Variants in SRPK2 observed in about 807,000 individuals in gnomAD.
SRPK2 encodes SFRS protein kinase 2.
SRPK2 carries 21 observed loss-of-function variants against 90.8 expected under a neutral mutation model. The ratio of observed to expected loss-of-function variants is 0.23; its 90% CI spans 0.16 to 0.33. The LOEUF (loss-of-function observed/expected upper bound fraction) is 0.33, where lower values mean the gene tolerates loss of function less well. Ranked by LOEUF, SRPK2 falls within the 10% of genes least tolerant of loss-of-function variation. The pLI is 1.00. For synonymous variants in SRPK2, 288 were observed against 311.1 expected (o/e 0.93, Z 0.78); for missense variants, 620 against 869.0 (o/e 0.71, Z 3.60).
intron 2 of SRPK2, among the ~76,000 whole-genome samples, chr7:105,237,436 A>G (rs920556053): frequency 1.3e-5 from 2 of 152,232 alleles, no homozygotes; most frequent in Non-Finnish European, 2.9e-5. Context: ...AAGAATGTGC[A>G]GATATTCTAG....
At chr7:105,209,860 T>C (rs1445887591) in intron 2 of SRPK2, among the ~76,000 whole-genome samples, 1 of 152,206 alleles carries the variant, frequency 6.6e-6, no homozygotes, top group Non-Finnish European at 1.5e-5. Flanking sequence ...TATTTATTTT[T>C]ACACTACAAA....
chr7:105,239,662 T>C (rs1351217488), intron 2 of SRPK2, among the ~76,000 whole-genome samples: 1 of 152,232 alleles, frequency 6.6e-6, no homozygotes, highest in Non-Finnish European at 1.5e-5. Context: ...TAACAAAATC[T>C]GGTTAGACGG....
intron 2 of SRPK2, among the ~76,000 whole-genome samples, chr7:105,248,925 C>CAAA (rs374019072): frequency 1.8e-5 from 2 of 111,288 alleles, no homozygotes; most frequent in East Asian, 2.5e-4. Context: ...AGCTCCATCT[C>CAAA]AAAAAAAAAA....
intron 2 of SRPK2, among the ~76,000 whole-genome samples, chr7:105,303,011 T>C (rs1366642733): frequency 1.3e-5 from 2 of 151,892 alleles, no homozygotes; most frequent in Non-Finnish European, 2.9e-5. Flanking sequence ...GAGGCGGAGC[T>C]TGCAGCAAGC....
At chr7:105,325,059 TC>T (rs1813404253) in intron 2 of SRPK2, among the ~76,000 whole-genome samples, 1 of 152,112 alleles carries the variant, frequency 6.6e-6, no homozygotes, top group Non-Finnish European at 1.5e-5. Context: ...CTTTTATAAA[TC>T]CCAACTGTAT....
intron 2 of SRPK2, among the ~76,000 whole-genome samples, chr7:105,316,426 C>T (rs1467851751): frequency 6.6e-6 from 1 of 152,196 alleles, no homozygotes; most frequent in Non-Finnish European, 1.5e-5. Context: ...TACTCACTTA[C>T]ACTACTTTAC....
intron 15 of SRPK2, among the ~76,000 whole-genome samples, chr7:105,123,396 A>G (rs1037727555): frequency 1.3e-5 from 2 of 152,222 alleles, no homozygotes; most frequent in African/African-American, 4.8e-5. Context: ...CCTCTGACCC[A>G]GAGGAGAAAG....
intron 2 of SRPK2, among the ~76,000 whole-genome samples, chr7:105,369,596 C>T (rs1208901120): frequency 6.6e-6 from 1 of 152,150 alleles, no homozygotes; most frequent in Non-Finnish European, 1.5e-5. Context: ...AAGATGTAGT[C>T]AATTTTACAT....
chr7:105,369,186 G>A (rs1362369765), intron 2 of SRPK2, among the ~76,000 whole-genome samples: 1 of 151,118 alleles, frequency 6.6e-6, no homozygotes, highest in Non-Finnish European at 1.5e-5. Flanking sequence ...TCACTCTGTT[G>A]CCCAGGCTGC....
intron 7 of SRPK2, among the ~76,000 whole-genome samples, chr7:105,155,951 G>A (rs972001938): frequency 5.9e-5 from 9 of 152,112 alleles, no homozygotes; most frequent in African/African-American, 2.2e-4. Context: ...TAAATGTTTG[G>A]GACATCTTTG....
chr7:105,170,661 TC>T (rs1355153208), intron 3 of SRPK2, among the ~76,000 whole-genome samples: 1 of 147,822 alleles, frequency 6.8e-6, no homozygotes, highest in Non-Finnish European at 1.5e-5. Flanking sequence ...GCCACTGCAC[TC>T]CAGCCTGGGT....
Position 105,203,770 on chromosome 7 carries a change from C to A in SRPK2, c.87G>T (p.Gln29His), listed in dbSNP as rs1242253531. ...EKHPKKPEPQ[Q>H]KAPLVPPPPP... Reference sequence around the variant, plus strand: ...GAGGAGGAGGAACTAAAGGAGCTTTCTGTTGAGGCTCCGGCCTGAAAGAGC... The same window carrying A: ...GAGGAGGAGGAACTAAAGGAGCTTTATGTTGAGGCTCCGGCCTGAAAGAGC... Residue 29 changes from glutamine (Q) to histidine (H), a missense_variant, in exon 3 of 16, where the codon CAG (glutamine) becomes CAT (histidine). Gln to His is a conservative substitution (Grantham distance 24). Transcript: ENST00000393651. 8.2e-6 allele frequency: 13 copies of A among 1,591,956 alleles called. No individual in the cohort carries two copies. Among genetic ancestry groups the A allele is most frequent in the Non-Finnish European group, 8.6e-7 (1 of 1,168,878 alleles).
At chr7:105,265,557 C>T (rs2130276956) in intron 2 of SRPK2, among the ~76,000 whole-genome samples, 1 of 152,150 alleles carries the variant, frequency 6.6e-6, no homozygotes, top group Admixed American at 6.5e-5. Context: ...CGCACATTAC[C>T]CCATAAATCC....
At chr7:105,254,960 G>A (rs1281028597) in intron 2 of SRPK2, among the ~76,000 whole-genome samples, 1 of 151,688 alleles carries the variant, frequency 6.6e-6, no homozygotes, top group Non-Finnish European at 1.5e-5. Flanking sequence ...AAAGTGCTGG[G>A]ATTACAGGCA....
chr7:105,323,967 T>TTGTGTGTGTGTGTGTGTG (rs58288208), intron 2 of SRPK2, among the ~76,000 whole-genome samples: 28 of 133,896 alleles, frequency 2.1e-4, no homozygotes, highest in Middle Eastern at 3.9e-3. Context: ...AGACTATTCT[T>TTGTGTGTGTGTGTGTGTG]TGTGTGTGTG....
At chr7:105,342,504 A>T (rs1337397243) in intron 2 of SRPK2, among the ~76,000 whole-genome samples, 1 of 152,102 alleles carries the variant, frequency 6.6e-6, no homozygotes, top group East Asian at 1.9e-4. Context: ...AATTTCCTCA[A>T]AAAGAGTTGC....
chr7:105,306,321 G>T (rs1811136877), intron 2 of SRPK2: 1 of 327,100 alleles, frequency 3.1e-6, no homozygotes, highest in African/African-American at 2.2e-5. Context: ...GAACCTGACG[G>T]ATCATCTCTG....
intron 2 of SRPK2, among the ~76,000 whole-genome samples, chr7:105,317,536 A>G (rs1191504918): frequency 6.6e-6 from 1 of 152,166 alleles, no homozygotes; most frequent in East Asian, 1.9e-4. Flanking sequence ...CCTGACAGAC[A>G]TTTTTCTCAA....
chr7:105,342,241 T>C (rs1015114414), intron 2 of SRPK2, among the ~76,000 whole-genome samples: 1 of 151,340 alleles, frequency 6.6e-6, no homozygotes, highest in Non-Finnish European at 1.5e-5. Flanking sequence ...GGAGAATCTC[T>C]TGAACCCGGG....
Sources: gnomAD v4.1 joint callset for allele counts (sites outside exome capture counted in the v4.1 genomes callset) on GRCh38, gnomAD v4.1.1 for gene constraint, MANE v1.5 for transcripts, NCBI Gene and HGNC (gene_info 2026-07-23, HGNC 2026-07-21) for gene names.